ZFHX3: variants seen among roughly 807,000 people sequenced by gnomAD.
ZFHX3 encodes zinc finger homeobox protein 3.
ZFHX3 carries 42 observed loss-of-function variants against 279.1 expected under a neutral mutation model. That is an observed-to-expected ratio of 0.15 (90% CI 0.12 to 0.19). The LOEUF (loss-of-function observed/expected upper bound fraction) is 0.19. Among genes scored for constraint, ZFHX3 ranks in the 10% least tolerant of loss-of-function variants. ZFHX3 has a pLI of 1.00. For synonymous variants in ZFHX3, 2,293 were observed against 1,957.8 expected (o/e 1.17, Z -4.52); for missense variants, 4,981 against 4,754.0 (o/e 1.05, Z -1.40).
intron 1 of ZFHX3, among the ~76,000 whole-genome samples, chr16:73,756,716 C>T (rs1377078523): frequency 6.9e-6 from 1 of 144,656 alleles, no homozygotes; most frequent in African/African-American, 2.6e-5. Flanking sequence ...ACCCCCACCA[C>T]CCCTGCCCCA....
chr16:72,939,383 C>T (rs527567421), intron 3 of ZFHX3, among the ~76,000 whole-genome samples: 27 of 152,188 alleles, frequency 1.8e-4, no homozygotes, highest in African/African-American at 6.0e-4. Flanking sequence ...AAGCCCTGTT[C>T]GAAACCAGCA....
At chr16:73,531,188 C>G (rs531819790) in intron 2 of ZFHX3, among the ~76,000 whole-genome samples, 1 of 152,322 alleles carries the variant, frequency 6.6e-6, no homozygotes, top group South Asian at 2.1e-4. Context: ...CTTGGCACAG[C>G]CACAGCCTTG....
At chr16:73,160,193 G>C (rs1967195487) in intron 5 of ZFHX3, among the ~76,000 whole-genome samples, 1 of 152,168 alleles carries the variant, frequency 6.6e-6, no homozygotes, top group Non-Finnish European at 1.5e-5. Flanking sequence ...ATCCAAACTA[G>C]AAAACCTAGA....
intron 1 of ZFHX3, among the ~76,000 whole-genome samples, chr16:73,831,917 T>G: frequency 6.6e-6 from 1 of 152,208 alleles, no homozygotes; most frequent in East Asian, 1.9e-4. Context: ...TTTTTTGTTT[T>G]TGAAATGGAG....
intron 3 of ZFHX3, among the ~76,000 whole-genome samples, chr16:73,367,743 G>A (rs1356184071): frequency 6.6e-6 from 1 of 152,166 alleles, no homozygotes; most frequent in Non-Finnish European, 1.5e-5. Context: ...TGTAAAATGG[G>A]TGGCATTACT....
intron 2 of ZFHX3, among the ~76,000 whole-genome samples, chr16:73,523,201 G>A (rs1396044299): frequency 3.3e-5 from 5 of 152,144 alleles, no homozygotes; most frequent in Non-Finnish European, 1.5e-5. Context: ...ATTATAATTT[G>A]GCAAATTTGT....
At chr16:72,886,305 G>A (rs976781272) in intron 4 of ZFHX3, among the ~76,000 whole-genome samples, 3 of 151,952 alleles carry the variant, frequency 2.0e-5, no homozygotes, top group African/African-American at 7.3e-5. Context: ...GCAAAAACAT[G>A]ACTCCAGGTC....
intron 1 of ZFHX3, among the ~76,000 whole-genome samples, chr16:73,751,741 A>G (rs951014887): frequency 1.3e-5 from 2 of 152,196 alleles, no homozygotes; most frequent in African/African-American, 4.8e-5. Flanking sequence ...TGAGAGCTCT[A>G]TCTTCCTGCT....
intron 8 of ZFHX3, among the ~76,000 whole-genome samples, chr16:73,068,003 G>A (rs894604897): frequency 2.6e-5 from 4 of 152,110 alleles, no homozygotes; most frequent in Admixed American, 2.0e-4. Context: ...AGGGAAGGTG[G>A]CTCTTTTCCT....
chr16:73,140,588 G>C (rs1280657146), intron 6 of ZFHX3, among the ~76,000 whole-genome samples: 1 of 152,166 alleles, frequency 6.6e-6, no homozygotes, highest in African/African-American at 2.4e-5. Flanking sequence ...GGGCGTGGCG[G>C]CTCACACTTG....
chr16:73,553,629 T>A (rs965514004), intron 2 of ZFHX3, among the ~76,000 whole-genome samples: 6 of 152,222 alleles, frequency 3.9e-5, no homozygotes, highest in East Asian at 1.9e-4. Context: ...ACAACCTCTT[T>A]ATATTTAAGG....
intron 2 of ZFHX3, among the ~76,000 whole-genome samples, chr16:73,653,482 C>T (rs1301419572): frequency 6.6e-6 from 1 of 152,088 alleles, no homozygotes; most frequent in Non-Finnish European, 1.5e-5. Context: ...AAATATTGTT[C>T]TAAATAACTA....
chr16:73,769,062 T>G (rs1214502949), intron 1 of ZFHX3, among the ~76,000 whole-genome samples: 1 of 152,144 alleles, frequency 6.6e-6, no homozygotes, highest in African/African-American at 2.4e-5. Flanking sequence ...TATCTGAAAT[T>G]CGAACTAAAC....
intron 5 of ZFHX3, among the ~76,000 whole-genome samples, chr16:73,237,463 T>A (rs1044747195): frequency 2.0e-5 from 3 of 150,520 alleles, no homozygotes; most frequent in Non-Finnish European, 4.4e-5. Context: ...GGACTGAGAC[T>A]CCTGCCCTCA....
intron 6 of ZFHX3, among the ~76,000 whole-genome samples, chr16:73,140,139 G>A (rs182654121): frequency 1.3e-5 from 2 of 152,156 alleles, no homozygotes; most frequent in East Asian, 1.9e-4. Context: ...TGGTGGGCAC[G>A]TGCCTGTATT....
chr16:72,790,738 A>C (rs1004763117), intron 9 of ZFHX3: 3 of 152,246 alleles, frequency 2.0e-5, no homozygotes, highest in African/African-American at 7.2e-5. Context: ...CACAAACAAG[A>C]CAGAGTAGAT....
Position 72,787,030 on chromosome 16 carries a change from C to G in ZFHX3, c.*134G>C. 19 of 966,976 alleles carry G rather than the reference C, an allele frequency of 2.0e-5. No homozygotes were observed. Among genetic ancestry groups the G allele is most frequent in the East Asian group, 1.6e-4 (4 of 25,562 alleles). The allele number at this position is 966,976 out of a possible 1,614,324, so 59.9% of individuals were successfully genotyped here. A position where few individuals can be genotyped will look rare whatever the true frequency, so the allele number is the denominator to read the frequency against. ...TATGGGAAAACAACCCACGCTTTTT[C>G]TTTTTTTTCTTTTTTTTTTTTTTTT... On this transcript the variant is annotated 3_prime_UTR_variant, in exon 10 of 10. Transcript: ENST00000268489.
intron 3 of ZFHX3, among the ~76,000 whole-genome samples, chr16:72,911,821 T>C (rs1035493854): frequency 5.3e-5 from 8 of 152,178 alleles, no homozygotes; most frequent in Non-Finnish European, 1.0e-4. Context: ...TGCTGAATTC[T>C]AGACCAACAA....
intron 1 of ZFHX3, among the ~76,000 whole-genome samples, chr16:73,838,665 T>A (rs967956620): frequency 1.3e-5 from 2 of 152,134 alleles, no homozygotes; most frequent in Admixed American, 6.5e-5. Flanking sequence ...TTTCTATACA[T>A]CAAGCTGTAC....
Sources: allele counts gnomAD v4.1 joint callset (sites outside exome capture counted in the v4.1 genomes callset), GRCh38; gene constraint gnomAD v4.1.1; transcripts MANE v1.5; gene names NCBI Gene and HGNC (gene_info 2026-07-23, HGNC 2026-07-21).